Variants in TRAPPC10 observed in about 807,000 individuals in gnomAD.
TRAPPC10 encodes the protein TRAPP 130 kDa subunit.
TRAPPC10 carries 23 observed loss-of-function variants against 125.5 expected under a neutral mutation model. That is an observed-to-expected ratio of 0.18 (90% confidence interval 0.13 to 0.26). The LOEUF (loss-of-function observed/expected upper bound fraction) is 0.26. Ranked by LOEUF, TRAPPC10 falls within the 10% of genes least tolerant of loss-of-function variation. TRAPPC10 has a pLI of 1.00. For synonymous variants in TRAPPC10, 509 were observed against 518.0 expected (o/e 0.98, Z 0.24); for missense variants, 1,123 against 1,308.4 (o/e 0.86, Z 2.19).
chr21:44,089,719 TAATAA>T (rs2038442246), intron 17 of TRAPPC10, 109 bp from the exon 18 acceptor site: 3 of 745,442 alleles, frequency 4.0e-6, no homozygotes, highest in East Asian at 2.7e-5. Flanking sequence ...GTTGAAGCCA[TAATAA>T]AATGTCTAGG....
chr21:44,039,053 T>C (rs1188993321), intron 3 of TRAPPC10, among the ~76,000 whole-genome samples: 1 of 152,226 alleles, frequency 6.6e-6, no homozygotes, highest in East Asian at 1.9e-4. Context: ...CTGGTTGTAA[T>C]GTTCGATTTG....
Position 44,094,143 on chromosome 21 carries a change from G to A in TRAPPC10, c.3078G>A (p.Arg1026=). The change falls in exon 20 of 23, where the codon CGG becomes CGA. Residue 1026 remains arginine, a synonymous_variant. Transcript: ENST00000291574. ...TEEPPPSLHC[R]FSVGFSPASE... ...AGCCTCCCCCTTCTCTGCATTGCCG[G>A]TTCTCTGTTGGATTTTCCCCAGCTT... 1.2e-6 allele frequency: 2 copies of A among 1,614,092 alleles called. No individual in the cohort carries two copies. The highest frequency in any genetic ancestry group is 1.7e-6 in the Non-Finnish European group (2 of 1,180,006).
At chr21:44,057,050 G>A (rs2035648429) in intron 5 of TRAPPC10, among the ~76,000 whole-genome samples, 2 of 152,126 alleles carry the variant, frequency 1.3e-5, no homozygotes, top group Admixed American at 1.3e-4. Context: ...TGGGCCTAGA[G>A]GACATGATGC....
At chr21:44,094,936 A>G (rs1005892973) in intron 20 of TRAPPC10, among the ~76,000 whole-genome samples, 2 of 151,848 alleles carry the variant, frequency 1.3e-5, no homozygotes, top group African/African-American at 4.8e-5. Flanking sequence ...TTTGACCTTC[A>G]TGTTTTATAT....
intron 1 of TRAPPC10, among the ~76,000 whole-genome samples, chr21:44,029,295 C>T (rs2033365469): frequency 1.3e-5 from 2 of 152,120 alleles, no homozygotes; most frequent in South Asian, 2.1e-4. Flanking sequence ...GGGGTTTCAC[C>T]GTGTTGTCCA....
At chr21:44,068,509 G>C (rs2036617429) in intron 7 of TRAPPC10, among the ~76,000 whole-genome samples, 1 of 152,176 alleles carries the variant, frequency 6.6e-6, no homozygotes, top group African/African-American at 2.4e-5. Flanking sequence ...TAGTGAGGCA[G>C]AGGGCAGAGA....
intron 6 of TRAPPC10, among the ~76,000 whole-genome samples, chr21:44,060,915 T>TACACACACACACACACACACACACAC (rs34848979): frequency 7.6e-6 from 1 of 132,192 alleles, no homozygotes; most frequent in African/African-American, 3.0e-5. Context: ...CATACATACA[T>TACACACACACACACACACACACACAC]ACACACACAC....
intron 3 of TRAPPC10, among the ~76,000 whole-genome samples, chr21:44,043,888 G>A (rs528910871): frequency 2.6e-5 from 4 of 152,258 alleles, no homozygotes; most frequent in Non-Finnish European, 4.4e-5. Flanking sequence ...TGTTCAGCCT[G>A]CCCCAGCTGA....
Position 44,080,143 on chromosome 21 carries a change from A to C in TRAPPC10, c.1723+16A>C. ...GACAGCCCAGGTAAGACCAGTTCTTACAACTTGACTAGGAATATTTTCAAA... is the reference window on the plus strand; with the variant it reads ...GACAGCCCAGGTAAGACCAGTTCTTCCAACTTGACTAGGAATATTTTCAAA... On this transcript the variant is annotated intron_variant, in intron 13 of 22. Transcript: ENST00000291574. The C allele has an allele frequency of 6.3e-7, 1 of 1,593,868 alleles. No homozygotes were observed. The highest frequency in any genetic ancestry group is 8.6e-7 in the Non-Finnish European group (1 of 1,161,730).
chr21:44,084,888 T>C (rs2038020853), intron 15 of TRAPPC10, among the ~76,000 whole-genome samples: 1 of 152,176 alleles, frequency 6.6e-6, no homozygotes, highest in South Asian at 2.1e-4. Context: ...TTATAAGGGA[T>C]ATAGATGAAG....
chr21:44,037,445 T>A (rs574341620), intron 2 of TRAPPC10, among the ~76,000 whole-genome samples: 50 of 152,320 alleles, frequency 3.3e-4, no homozygotes, highest in African/African-American at 1.1e-3. Context: ...TGGGACACAC[T>A]TTTCTTCTTT....
chr21:44,060,230 AAAAAT>A (rs1335881913), intron 6 of TRAPPC10: 1 of 152,212 alleles, frequency 6.6e-6, no homozygotes, highest in African/African-American at 2.4e-5. Context: ...TACTAAGTAA[AAAAAT>A]AAAATAAAAA....
chr21:44,018,107 G>A (rs1246589645), intron 1 of TRAPPC10, among the ~76,000 whole-genome samples: 1 of 150,944 alleles, frequency 6.6e-6, no homozygotes, highest in Non-Finnish European at 1.5e-5. Context: ...TTTCTAGTAA[G>A]TTCTTTATGC....
intron 13 of TRAPPC10, among the ~76,000 whole-genome samples, chr21:44,080,922 C>A (rs1402311773): frequency 6.7e-6 from 1 of 149,362 alleles, no homozygotes; most frequent in African/African-American, 2.5e-5. Flanking sequence ...CCATGTAATT[C>A]ACTCATTTGA....
chr21:44,037,991 G>A, intron 3 of TRAPPC10, 64 bp downstream of exon 3: 1 of 1,577,210 alleles, frequency 6.3e-7, no homozygotes, highest in Non-Finnish European at 8.6e-7. Flanking sequence ...GGAGAGTGCT[G>A]TGTGAGTACC....
chr21:44,016,313 C>T (rs1347473018), intron 1 of TRAPPC10, among the ~76,000 whole-genome samples: 4 of 152,168 alleles, frequency 2.6e-5, no homozygotes, highest in African/African-American at 4.8e-5. Flanking sequence ...AGGAAAGACA[C>T]GTTCCTTTTC....
chr21:44,079,608 C>T lies in TRAPPC10; in HGVS notation c.1514C>T (p.Ala505Val). The part of the protein sequence containing the change: ...PQKAEIYLQG[A>V]LKNYLAEGWA... ...AAGGCAGAAATCTATCTTCAAGGAG[C>T]ACTGAAAAACTACCTGGCTGAGGGC... The change falls in exon 12 of 23, where the codon GCA becomes GTA. Residue 505 changes from alanine to valine, a missense_variant. By Grantham distance (64) the Ala-to-Val change is moderately conservative (BLOSUM62 0). Transcript: ENST00000291574. 1 of 1,607,200 alleles carries T rather than the reference C, an allele frequency of 6.2e-7. No homozygotes were observed. Among genetic ancestry groups the T allele is most frequent in the Non-Finnish European group, 8.5e-7 (1 of 1,178,476 alleles).
At chr21:44,065,702 CAG>C (rs745810423) in intron 7 of TRAPPC10, among the ~76,000 whole-genome samples, 1 of 152,174 alleles carries the variant, frequency 6.6e-6, no homozygotes, top group African/African-American at 2.4e-5. Flanking sequence ...CTTCCCAGGC[CAG>C]AGAGGACAGC....
At position 44,087,089 on chromosome 21, in the gene TRAPPC10, C is replaced by T; in HGVS notation, c.2539+129C>T. ...TCAACAGTGTCTGGAGTCCGTGTTC[C>T]ATAGGAGCCCTGCGGCCTGATGCCT... On this transcript the variant is annotated intron_variant, in intron 16 of 22. Coordinates refer to ENST00000291574, the MANE Select transcript of TRAPPC10 (RefSeq NM_003274.5). The surrounding 1 kb of genome is among the most constrained non-coding windows in gnomAD (Gnocchi z 4.6). 9.4e-7 allele frequency: 1 copy of T among 1,064,364 alleles called. No individual in the cohort carries two copies. Among genetic ancestry groups the T allele is most frequent in the South Asian group, 1.6e-5 (1 of 63,998 alleles). The allele number at this position is 1,064,364 out of a possible 1,614,324, so 65.9% of individuals were successfully genotyped here.
Sources: gnomAD v4.1 joint callset for allele counts (sites outside exome capture counted in the v4.1 genomes callset) on GRCh38, gnomAD v4.1.1 for gene constraint, Gnocchi (gnomAD v3.1) non-coding constraint, MANE v1.5 for transcripts, NCBI Gene and HGNC (gene_info 2026-07-23, HGNC 2026-07-21) for gene names.